Variants in SLC9C1 observed in about 807,000 individuals in gnomAD.
The protein encoded by SLC9C1 is solute carrier family 9 member C1.
In SLC9C1, 97 loss-of-function variants were observed where a neutral mutation model predicts 140.9. That is an observed-to-expected ratio of 0.69 (90% CI 0.58 to 0.82). The LOEUF (loss-of-function observed/expected upper bound fraction) is 0.82, where lower values mean the gene tolerates loss of function less well. SLC9C1 is among the 40% of genes least tolerant of loss of function. The probability of loss-of-function intolerance (pLI) is 0.00; values close to 1 mark genes in which losing one functional copy is unlikely to be tolerated. For synonymous variants in SLC9C1, 440 were observed against 442.6 expected (o/e 0.99, Z 0.07); for missense variants, 1,340 against 1,389.3 (o/e 0.96, Z 0.56).
At chr3:112,233,068 T>TA (rs59351134) in intron 12 of SLC9C1, among the ~76,000 whole-genome samples, 81,076 of 128,180 alleles carry the variant, frequency 0.63, 24,060 homozygotes, top group East Asian at 0.76. Flanking sequence ...TATATATATA[T>TA]TATATTTTTT....
intron 5 of SLC9C1, among the ~76,000 whole-genome samples, 156 bp from the exon 6 acceptor site, chr3:112,275,181 A>G (rs1284604142): frequency 3.9e-5 from 6 of 152,164 alleles, no homozygotes; most frequent in Non-Finnish European, 8.8e-5. Context: ...CACTAAATTA[A>G]TTATGGCCCA....
chr3:112,228,007 G>A (rs900032334), intron 13 of SLC9C1, among the ~76,000 whole-genome samples: 2 of 152,008 alleles, frequency 1.3e-5, no homozygotes, highest in Non-Finnish European at 1.5e-5. Flanking sequence ...TGGATTCAAC[G>A]CAATCCCTAG....
At chr3:112,273,993 G>C (rs531302641) in intron 6 of SLC9C1, among the ~76,000 whole-genome samples, 2 of 152,232 alleles carry the variant, frequency 1.3e-5, no homozygotes, top group East Asian at 3.9e-4. Flanking sequence ...AGTTTATCAA[G>C]GAGACTGTAA....
chr3:112,214,424 G>T (rs995197094), intron 15 of SLC9C1, among the ~76,000 whole-genome samples: 1 of 151,992 alleles, frequency 6.6e-6, no homozygotes, highest in African/African-American at 2.4e-5. Flanking sequence ...CCAGGAGCTG[G>T]TTTTTTTGAA....
At chr3:112,171,669 TA>T (rs1021856005) in intron 23 of SLC9C1, among the ~76,000 whole-genome samples, 1 of 152,160 alleles carries the variant, frequency 6.6e-6, no homozygotes, top group Non-Finnish European at 1.5e-5. Context: ...GGTTAGTACT[TA>T]AAAAAATCCT....
chr3:112,183,349 C>CTTTTT lies in SLC9C1; in HGVS notation c.2524-1096_2524-1092dup, dbSNP rs200437815. On this transcript the variant is annotated intron_variant, in intron 20 of 28. Transcript: ENST00000305815. The stretch of plus-strand genomic sequence containing the variant: ...ACGACAATGATATTTAGCACCTTTT[C>CTTTTT]TTTTTTTTTTTTTTTTTTTTTCAGC... 6.1e-4 allele frequency among the ~76,000 whole-genome samples: 58 copies of CTTTTT among 95,350 alleles called. 6 individuals carry two copies. The highest frequency in any genetic ancestry group is 1.7e-3 in the African/African-American group (35 of 20,368). 62.6% of individuals were successfully genotyped at this position (95,350 alleles called of 152,430 possible).
intron 2 of SLC9C1, among the ~76,000 whole-genome samples, chr3:112,284,282 C>T (rs1020040776): frequency 6.6e-6 from 1 of 152,176 alleles, no homozygotes; most frequent in African/African-American, 2.4e-5. Flanking sequence ...TGAAATGGAG[C>T]ATTTACTTGT....
intron 6 of SLC9C1, among the ~76,000 whole-genome samples, chr3:112,274,177 G>A (rs2080152146): frequency 6.6e-6 from 1 of 152,086 alleles, no homozygotes; most frequent in African/African-American, 2.4e-5. Context: ...TTTTCTAGGA[G>A]GAAGATACAG....
chr3:112,183,366 T>TTTTTTTTTTTTTTG (rs1413720515), intron 20 of SLC9C1, among the ~76,000 whole-genome samples: 1 of 120,582 alleles, frequency 8.3e-6, no homozygotes, highest in Non-Finnish European at 1.8e-5. Flanking sequence ...TTTTTTTTTT[T>TTTTTTTTTTTTTTG]TTTTCAGCCA....
At chr3:112,264,869 A>C (rs908061905) in intron 8 of SLC9C1, among the ~76,000 whole-genome samples, 3 of 152,040 alleles carry the variant, frequency 2.0e-5, no homozygotes, top group African/African-American at 7.2e-5. Flanking sequence ...GGGTGGTTAA[A>C]GAGGAGTGGT....
At chr3:112,141,744 TA>T (rs1158996479) in intron 28 of SLC9C1, among the ~76,000 whole-genome samples, 1 of 152,200 alleles carries the variant, frequency 6.6e-6, no homozygotes, top group Non-Finnish European at 1.5e-5. Context: ...TCATGCTTTT[TA>T]TTATAAAATC....
intron 10 of SLC9C1, among the ~76,000 whole-genome samples, chr3:112,262,618 C>T (rs1331943866): frequency 6.6e-6 from 1 of 151,910 alleles, no homozygotes; most frequent in Admixed American, 6.6e-5. Context: ...TAGGGCCAAT[C>T]ATAAGAAAGT....
intron 13 of SLC9C1, among the ~76,000 whole-genome samples, chr3:112,223,417 TA>T (rs2078594506): frequency 6.6e-6 from 1 of 152,176 alleles, no homozygotes; most frequent in Non-Finnish European, 1.5e-5. Context: ...AAAATTAACA[TA>T]GAGGTAGATT....
intron 14 of SLC9C1, among the ~76,000 whole-genome samples, chr3:112,220,562 A>G (rs1213853647): frequency 1.3e-5 from 2 of 152,034 alleles, no homozygotes; most frequent in Non-Finnish European, 2.9e-5. Context: ...CTGCAGTTTA[A>G]CCCCCCTCTT....
In SLC9C1 at chr3:112,249,863, C is replaced by G. The variant is rs562276591; in HGVS notation, c.1198-5787G>C. Among the ~76,000 whole-genome samples, 81 of 151,682 alleles carry G rather than the reference C, an allele frequency of 5.3e-4. 2 individuals carry two copies. The South Asian group carries it at 0.017, about 31-fold the overall frequency. ...TTAGTCTAGCTAGCAACCTATCAAT[C>G]TTATTTATTGTTTCAGATAACCAAC... On this transcript the variant is annotated intron_variant, in intron 10 of 28. Transcript: ENST00000305815.
chr3:112,274,927 T>C lies in SLC9C1; in HGVS notation c.583A>G (p.Arg195Gly). The change falls in exon 6 of 29, where the codon AGA (arginine) becomes GGA (glycine). Residue 195 changes from arginine (R) to glycine (G), a missense_variant. Coordinates refer to ENST00000305815, the MANE Select transcript of SLC9C1 (RefSeq NM_183061.3). ...GTATGGTTTCTTTTACTTTGTAGTC[T>C]TTGGTCAAAATCCATAATACTAGTA... Reference protein sequence around the residue: ...TFTSIMDFDQRLQSKRNHTLA... With the variant: ...TFTSIMDFDQGLQSKRNHTLA... The C allele has an allele frequency of 6.4e-7, 1 of 1,565,352 alleles. No homozygotes were observed. The highest frequency in any genetic ancestry group is 1.2e-5 in the South Asian group (1 of 81,018).
intron 1 of SLC9C1, among the ~76,000 whole-genome samples, chr3:112,290,911 G>C (rs1353108733): frequency 6.6e-6 from 1 of 150,694 alleles, no homozygotes; most frequent in African/African-American, 2.4e-5. Flanking sequence ...TGGCTTGGTA[G>C]TTTTTCTCCA....
chr3:112,170,472 A>G (rs749911267), intron 23 of SLC9C1, among the ~76,000 whole-genome samples: 1 of 152,076 alleles, frequency 6.6e-6, no homozygotes, highest in Non-Finnish European at 1.5e-5. Flanking sequence ...TAATTGTATT[A>G]TTTATTTTCT....
At chr3:112,161,335 A>G (rs1259783449) in intron 26 of SLC9C1, among the ~76,000 whole-genome samples, 1 of 152,190 alleles carries the variant, frequency 6.6e-6, no homozygotes, top group Non-Finnish European at 1.5e-5. Flanking sequence ...TTAGACATGA[A>G]GTCCTTGCCC....
Sources: gnomAD v4.1 joint callset for allele counts (sites outside exome capture counted in the v4.1 genomes callset) on GRCh38, gnomAD v4.1.1 for gene constraint, MANE v1.5 for transcripts, NCBI Gene and HGNC (gene_info 2026-07-23, HGNC 2026-07-21) for gene names.